MEF2A: variants seen among roughly 807,000 people sequenced by gnomAD.
MEF2A encodes myocyte-specific enhancer factor 2A.
In MEF2A, 28 loss-of-function variants were observed where a neutral mutation model predicts 55.8. The ratio of observed to expected loss-of-function variants is 0.50; its 90% CI spans 0.37 to 0.69. The LOEUF is 0.69. Among genes scored for constraint, MEF2A ranks in the 30% least tolerant of loss-of-function variants. The pLI is 0.00. For synonymous variants in MEF2A, 239 were observed against 227.1 expected, an observed-to-expected ratio of 1.05 and a Z score of -0.47; for missense variants, 528 against 626.2, an observed-to-expected ratio of 0.84 and a Z score of 1.67.
At chr15:99,632,635 A>T (rs1054352566) in intron 2 of MEF2A, among the ~76,000 whole-genome samples, 1 of 152,166 alleles carries the variant, frequency 6.6e-6, no homozygotes, top group Non-Finnish European at 1.5e-5. Flanking sequence ...ATAGATTGCT[A>T]TTAGGATTGA....
At chr15:99,623,328 C>T (rs1224775640) in intron 2 of MEF2A, among the ~76,000 whole-genome samples, 1 of 152,174 alleles carries the variant, frequency 6.6e-6, no homozygotes, top group Non-Finnish European at 1.5e-5. Flanking sequence ...AGGTTGCTTC[C>T]ACCTTTTGAC....
chr15:99,661,145 G>A (rs1378348634), intron 4 of MEF2A, among the ~76,000 whole-genome samples: 1 of 152,128 alleles, frequency 6.6e-6, no homozygotes, highest in Non-Finnish European at 1.5e-5. Context: ...TTAAGCAGTG[G>A]TATAGGGACA....
At chr15:99,566,158 G>A (rs1428343282) in intron 1 of MEF2A, 54 bp downstream of exon 1, 1 of 151,740 alleles carries the variant, frequency 6.6e-6, no homozygotes, top group Admixed American at 6.6e-5. Flanking sequence ...TGCTGGAGGG[G>A]GGCGGCGTCT....
chr15:99,587,850 T>G (rs1463711409), intron 1 of MEF2A, among the ~76,000 whole-genome samples: 1 of 152,168 alleles, frequency 6.6e-6, no homozygotes. Flanking sequence ...TTTTTTGTTT[T>G]TTACTGTGTG....
chr15:99,610,476 A>G (rs1441886086), intron 2 of MEF2A, among the ~76,000 whole-genome samples: 2 of 134,284 alleles, frequency 1.5e-5, no homozygotes, highest in Non-Finnish European at 3.1e-5. Context: ...ACGGAAATTG[A>G]AGATACTTAG....
intron 5 of MEF2A, among the ~76,000 whole-genome samples, chr15:99,672,641 G>A (rs1025255942): frequency 1.3e-5 from 2 of 152,098 alleles, no homozygotes; most frequent in African/African-American, 4.8e-5. Flanking sequence ...TTACAGGTTG[G>A]GTATTCCTTA....
At chr15:99,691,543 C>G (rs929858086) in intron 8 of MEF2A, among the ~76,000 whole-genome samples, 11 of 149,400 alleles carry the variant, frequency 7.4e-5, no homozygotes, top group Admixed American at 3.3e-4. Context: ...ACTAAAAATA[C>G]GAAAATTAGC....
rs185521807 is a variant in MEF2A, at chr15:99,656,092, T to G, written c.258+10328T>G. Among the ~76,000 whole-genome samples the G allele has an allele frequency of 2.0e-5, 3 of 152,230 alleles. No homozygotes were observed. The East Asian group carries it at 5.8e-4, about 29-fold the overall frequency. Reference sequence around the variant, plus strand: ...CTTCCGCATTCACTTAATCATAAATTAAGAGTATTTATGATACTCAGTTAA... The same window carrying G: ...CTTCCGCATTCACTTAATCATAAATGAAGAGTATTTATGATACTCAGTTAA... On this transcript the variant is annotated intron_variant, in intron 4 of 11. Transcript: ENST00000557942.
At chr15:99,605,335 A>G (rs1383918032) in intron 2 of MEF2A, among the ~76,000 whole-genome samples, 1 of 152,238 alleles carries the variant, frequency 6.6e-6, no homozygotes, top group African/African-American at 2.4e-5. Flanking sequence ...ATGATTACCA[A>G]CTTTAATTCC....
chr15:99,580,756 A>G (rs145747500), intron 1 of MEF2A, among the ~76,000 whole-genome samples: 8 of 152,356 alleles, frequency 5.3e-5, no homozygotes, highest in African/African-American at 1.4e-4. Context: ...TCAATCTAAC[A>G]TAAGATGTTT....
At chr15:99,649,535 T>C (rs2046504036) in intron 4 of MEF2A, among the ~76,000 whole-genome samples, 1 of 152,196 alleles carries the variant, frequency 6.6e-6, no homozygotes. Flanking sequence ...TGGCAGACTT[T>C]TGTTTGGTCC....
At chr15:99,644,492 T>C (rs937462386) in intron 3 of MEF2A, among the ~76,000 whole-genome samples, 6 of 152,210 alleles carry the variant, frequency 3.9e-5, no homozygotes, top group Admixed American at 6.5e-5. Context: ...GTGGTAGTAA[T>C]TGCTTTTCAT....
At chr15:99,631,660 T>C (rs918447793) in intron 2 of MEF2A, among the ~76,000 whole-genome samples, 14 of 152,028 alleles carry the variant, frequency 9.2e-5, no homozygotes, top group Non-Finnish European at 2.1e-4. Flanking sequence ...TTTTTTTTTT[T>C]CTGACCATGT....
chr15:99,620,405 A>G (rs1396949298), intron 2 of MEF2A, among the ~76,000 whole-genome samples: 1 of 152,184 alleles, frequency 6.6e-6, no homozygotes, highest in Non-Finnish European at 1.5e-5. Flanking sequence ...TATACACTCA[A>G]TGTTTAGCTC....
Position 99,700,167 on chromosome 15 carries a change from C to T in MEF2A, c.859-3195C>T, listed in dbSNP as rs1213391955. 3.0e-4 allele frequency among the ~76,000 whole-genome samples: 27 copies of T among 88,994 alleles called. 2 individuals carry two copies. In the East Asian group the frequency reaches 5.0e-3, roughly 16 times the overall value. The allele number at this position is 88,994 out of a possible 152,430, so 58.4% of individuals were successfully genotyped here. A position where few individuals can be genotyped will look rare whatever the true frequency, so the allele number is the denominator to read the frequency against. ...GCCACTGTGCCCAGCCAGACACATA[C>T]GTATATATGTGTGTATATATACACA... is the stretch of plus-strand genomic sequence containing the variant. On this transcript the variant is annotated intron_variant, in intron 8 of 11. Coordinates refer to ENST00000557942, the MANE Select transcript of MEF2A (RefSeq NM_001319206.4).
At chr15:99,692,604 T>A (rs1288895277) in intron 8 of MEF2A, among the ~76,000 whole-genome samples, 1 of 152,150 alleles carries the variant, frequency 6.6e-6, no homozygotes, top group Non-Finnish European at 1.5e-5. Flanking sequence ...GTGAAACTCC[T>A]GGGGGCCGCA....
At chr15:99,620,769 A>G (rs1360720521) in intron 2 of MEF2A, 1 of 152,092 alleles carries the variant, frequency 6.6e-6, no homozygotes, top group East Asian at 1.9e-4. Context: ...ACTGCTGTGC[A>G]CAGTGGCTAA....
At chr15:99,703,592 A>C (rs1365582363) in intron 9 of MEF2A, among the ~76,000 whole-genome samples, 2 of 152,116 alleles carry the variant, frequency 1.3e-5, no homozygotes, top group East Asian at 3.9e-4. Context: ...TATTTGTTGG[A>C]GGGAACATTG....
At chr15:99,599,405 C>T (rs1384754650) in intron 2 of MEF2A, among the ~76,000 whole-genome samples, 2 of 151,858 alleles carry the variant, frequency 1.3e-5, no homozygotes, top group Non-Finnish European at 2.9e-5. Flanking sequence ...TTTATTTTGC[C>T]CATTTCAGGA....
Sources: allele counts gnomAD v4.1 joint callset (sites outside exome capture counted in the v4.1 genomes callset), GRCh38; gene constraint gnomAD v4.1.1; transcripts MANE v1.5; gene names NCBI Gene and HGNC (gene_info 2026-07-23, HGNC 2026-07-21).